Variants in ANKRD46 observed in about 807,000 individuals in gnomAD.
ANKRD46 encodes ankyrin repeat domain 46, also known as ankyrin repeat domain-containing protein 46.
Under a neutral mutation model 19.8 loss-of-function variants are expected in ANKRD46, and 13 were observed. That is an observed-to-expected ratio of 0.66 (90% CI 0.43 to 1.04). The LOEUF (loss-of-function observed/expected upper bound fraction) is 1.04, where lower values mean the gene tolerates loss of function less well. Among genes scored for constraint, ANKRD46 ranks in the 50% least tolerant of loss-of-function variants. The pLI is 0.00. For synonymous variants in ANKRD46, 91 were observed against 106.9 expected, an observed-to-expected ratio of 0.85 and a Z score of 0.92; for missense variants, 185 against 274.8, an observed-to-expected ratio of 0.67 and a Z score of 2.31.
chr8:100,514,618 T>TTTTTTTTC (rs1811599534), intron 5 of ANKRD46, among the ~76,000 whole-genome samples: 1 of 33,450 alleles, frequency 3.0e-5, no homozygotes, highest in South Asian at 7.5e-4. Flanking sequence ...CTCCATCTTC[T>TTTTTTTTC]TTTTTTTTTT....
chr8:100,550,827 G>A lies in ANKRD46; in HGVS notation c.-131+8884C>T, dbSNP rs1052137458. 2 of 462,684 alleles carry A rather than the reference G, an allele frequency of 4.3e-6. No individual in the cohort carries two copies. The highest frequency in any genetic ancestry group is 8.3e-6 in the Non-Finnish European group (2 of 241,358). The allele number at this position is 462,684 out of a possible 1,614,324, so 28.7% of individuals were successfully genotyped here. On this transcript the variant is annotated intron_variant, in intron 1 of 4. Coordinates refer to ENST00000335659, the MANE Select transcript of ANKRD46 (RefSeq NM_001270377.2). The surrounding 1 kb of genome is among the most constrained non-coding windows in gnomAD (Gnocchi z 4.4). ...AAAGTGGTCACTGAGGGCAATGGCAGCCCCAGCATCGAAAGTGGAAGAGTG... is the reference window on the plus strand; with the variant it reads ...AAAGTGGTCACTGAGGGCAATGGCAACCCCAGCATCGAAAGTGGAAGAGTG...
At position 100,548,574 on chromosome 8, in the gene ANKRD46, C is replaced by T. The variant is rs575932982; in HGVS notation, c.-131+11137G>A. On this transcript the variant is annotated intron_variant, in intron 1 of 4. Transcript: ENST00000335659. Reference sequence around the variant, plus strand: ...CTTTGAGGGCATGAGTTGTCTTGTTCCACACTATCCACAGTATTTCGCATT... The same window carrying T: ...CTTTGAGGGCATGAGTTGTCTTGTTTCACACTATCCACAGTATTTCGCATT... Among the ~76,000 whole-genome samples, 16 of 152,296 alleles carry T rather than the reference C, an allele frequency of 1.1e-4. No homozygotes were observed. The South Asian group carries it at 3.3e-3, about 32-fold the overall frequency.
rs1022652876 is a variant in ANKRD46, at chr8:100,532,589, A to G, written c.-28+620T>C. ...GGGTAATCTAAATATTTTCCCTTAC[A>G]GCAAGGGTGTCCAACATTTCGGCTT... On this transcript the variant is annotated intron_variant, in intron 2 of 4. Transcript: ENST00000335659. The surrounding 1 kb of genome is among the most constrained non-coding windows in gnomAD (Gnocchi z 4.7). 9.8e-5 allele frequency: 15 copies of G among 152,378 alleles called. No homozygotes were observed. The highest frequency in any genetic ancestry group is 3.4e-4 in the African/African-American group (14 of 41,596). The allele number at this position is 152,378 out of a possible 1,614,324, so 9.4% of individuals were successfully genotyped here.
At chr8:100,555,742 A>AAAAAAAAAAAAAAAAAAAAAAAAAAAAAT in intron 1 of ANKRD46, among the ~76,000 whole-genome samples, 1 of 137,762 alleles carries the variant, frequency 7.3e-6, no homozygotes, top group Non-Finnish European at 1.5e-5. Flanking sequence ...AAAAAAAAAA[A>AAAAAAAAAAAAAAAAAAAAAAAAAAAAAT]AAAAAAAAAA....
downstream of ANKRD46, chr8:100,520,758 AAG>A: frequency 2.1e-6 from 2 of 962,254 alleles, no homozygotes; most frequent in South Asian, 9.6e-5. Flanking sequence ...AAAAAAAAAA[AAG>A]AGAAATCGTG....
At chr8:100,522,827 C>A in intron 4 of ANKRD46, 56 bp from the exon 5 acceptor site, 3 of 1,408,212 alleles carry the variant, frequency 2.1e-6, no homozygotes, top group Non-Finnish European at 2.9e-6. Context: ...ATTCCAAAAA[C>A]ATAAAACCAC....
chr8:100,530,600 G>A (rs1811940477), intron 2 of ANKRD46, among the ~76,000 whole-genome samples: 1 of 152,076 alleles, frequency 6.6e-6, no homozygotes, highest in African/African-American at 2.4e-5. Context: ...GGCCAGGCTG[G>A]TCTTGAACTC....
rs998291024 is a variant in ANKRD46, at chr8:100,511,509, A to C, written c.637-870T>G. On this transcript the variant is annotated intron_variant, in intron 5 of 5. Coordinates refer to the ANKRD46 transcript ENST00000520552. The surrounding 1 kb of genome is among the most constrained non-coding windows in gnomAD (Gnocchi z 4.1). The stretch of plus-strand genomic sequence containing the variant: ...CATGTCATCTCATCCTTTCACATCT[A>C]TTCTTGTAACTCAGAAGCACTGTGT... 2.6e-5 allele frequency among the ~76,000 whole-genome samples: 4 copies of C among 151,914 alleles called. No individual in the cohort carries two copies. Among genetic ancestry groups the C allele is most frequent in the Non-Finnish European group, 5.9e-5 (4 of 67,980 alleles).
rs1812364510 is a variant in ANKRD46, at chr8:100,550,575, A to G, written c.-131+9136T>C. The G allele has an allele frequency of 5.5e-6, 1 of 180,658 alleles. No homozygotes were observed. The highest frequency in any genetic ancestry group is 1.1e-5 in the Non-Finnish European group (1 of 88,264). The allele number at this position is 180,658 out of a possible 1,614,324, so 11.2% of individuals were successfully genotyped here. ...AGGACTTTATTGATGGTACACGACA[A>G]GATAGAGCTCTTTGTGGGGTCTGCA... On this transcript the variant is annotated intron_variant, in intron 1 of 4. Transcript: ENST00000335659. This position sits in a 1 kb window ranked among gnomAD's most constrained non-coding sequence, Gnocchi z 4.4.
rs2130701945 is a variant in ANKRD46, at chr8:100,550,082, T to C, written c.-131+9629A>G. Among the ~76,000 whole-genome samples the C allele has an allele frequency of 6.6e-6, 1 of 152,360 alleles. No individual in the cohort carries two copies. On this transcript the variant is annotated intron_variant, in intron 1 of 4. Coordinates refer to ENST00000335659, the MANE Select transcript of ANKRD46 (RefSeq NM_001270377.2). This position sits in a 1 kb window ranked among gnomAD's most constrained non-coding sequence, Gnocchi z 4.4. ...ATCTGTTCACCTACTGAAGGACATC[T>C]TGGTTGCTTCCATGTTCTGGCAATT...
In ANKRD46 at chr8:100,532,193, C is replaced by G. The variant is rs1301805487; in HGVS notation, c.-28+1016G>C. On this transcript the variant is annotated intron_variant, in intron 2 of 4. Transcript: ENST00000335659. The surrounding 1 kb of genome is among the most constrained non-coding windows in gnomAD (Gnocchi z 4.7). ...GACTTTTTAAAAATCTGGCTGGACA[C>G]AGTGGCTCACACCTGTAATCCCAGT... Among the ~76,000 whole-genome samples the G allele has an allele frequency of 3.3e-5, 5 of 152,138 alleles. No homozygotes were observed. The highest frequency in any genetic ancestry group is 1.2e-4 in the African/African-American group (5 of 41,428).
At chr8:100,531,533 T>C (rs902221902) in intron 2 of ANKRD46, among the ~76,000 whole-genome samples, 29 of 152,162 alleles carry the variant, frequency 1.9e-4, no homozygotes, top group African/African-American at 6.8e-4. Context: ...CTGAGACTTG[T>C]TCTGAGCCAG....
chr8:100,549,141 T>TG (rs2130700295), intron 1 of ANKRD46, among the ~76,000 whole-genome samples: 1 of 107,558 alleles, frequency 9.3e-6, no homozygotes, highest in East Asian at 2.0e-4. Context: ...TAGTTCAGAA[T>TG]TTTTTTTTAA....
In ANKRD46 at chr8:100,520,882, A is replaced by G; in HGVS notation, c.*1673T>C. On this transcript the variant is annotated 3_prime_UTR_variant, in exon 5 of 5. Coordinates refer to ENST00000335659, the MANE Select transcript of ANKRD46 (RefSeq NM_001270377.2). Reference sequence around the variant, plus strand: ...GGAACCATTAATCTTTAAAAATGCTATATACTTACATTTTGACCAATTTTG... The same window carrying G: ...GGAACCATTAATCTTTAAAAATGCTGTATACTTACATTTTGACCAATTTTG... 1 of 984,430 alleles carries G rather than the reference A, an allele frequency of 1.0e-6. No homozygotes were observed. The highest frequency in any genetic ancestry group is 1.2e-6 in the Non-Finnish European group (1 of 829,066). 61.0% of individuals were successfully genotyped at this position (984,430 alleles called of 1,614,324 possible). A position where few individuals can be genotyped will look rare whatever the true frequency, so the allele number is the denominator to read the frequency against.
At chr8:100,513,817 A>G (rs934397697) in intron 5 of ANKRD46, among the ~76,000 whole-genome samples, 4 of 152,254 alleles carry the variant, frequency 2.6e-5, no homozygotes, top group Admixed American at 1.3e-4. Context: ...AACTTGAATC[A>G]CAGTCTAAAA....
chr8:100,539,408 C>T (rs1346192422), intron 1 of ANKRD46, among the ~76,000 whole-genome samples: 1 of 152,142 alleles, frequency 6.6e-6, no homozygotes, highest in Non-Finnish European at 1.5e-5. Flanking sequence ...TTTAGGATAT[C>T]CCAGTACTAT....
chr8:100,526,763 G>A (rs1811851010), intron 4 of ANKRD46, among the ~76,000 whole-genome samples: 2 of 152,102 alleles, frequency 1.3e-5, no homozygotes, highest in South Asian at 4.1e-4. Flanking sequence ...GGGTACAAAG[G>A]AATCAAATGA....
In ANKRD46 at chr8:100,544,994, G is replaced by A. The variant is rs1358115095; in HGVS notation, c.-130-11683C>T. ...ATAGGGCAGATCAACAGTCCCAAAT[G>A]GATATTTTGCCATGGCCTTAATATC... On this transcript the variant is annotated intron_variant, in intron 1 of 4. Coordinates refer to ENST00000335659, the MANE Select transcript of ANKRD46 (RefSeq NM_001270377.2). This position sits in a 1 kb window ranked among gnomAD's most constrained non-coding sequence, Gnocchi z 4.4. Among the ~76,000 whole-genome samples, 2 of 152,044 alleles carry A rather than the reference G, an allele frequency of 1.3e-5. No individual in the cohort carries two copies. The highest frequency in any genetic ancestry group is 2.1e-4 in the South Asian group (1 of 4,812).
At chr8:100,549,113 TGCTGTTTTTTTTTTTTTTAG>T (rs1812330815) in intron 1 of ANKRD46, among the ~76,000 whole-genome samples, 1 of 79,382 alleles carries the variant, frequency 1.3e-5, no homozygotes, top group South Asian at 3.4e-4. Context: ...CTAGCATTAA[TGCTGTTTTTTTTTTTTTTAG>T]TTCAGAATTT....
Sources: gnomAD v4.1 joint callset for allele counts (sites outside exome capture counted in the v4.1 genomes callset) on GRCh38, gnomAD v4.1.1 for gene constraint, Gnocchi (gnomAD v3.1) non-coding constraint, MANE v1.5 for transcripts, NCBI Gene and HGNC (gene_info 2026-07-23, HGNC 2026-07-21) for gene names.